AKAP19: variants seen among roughly 807,000 people sequenced by gnomAD.
AKAP19 encodes the protein small A-kinase anchoring protein.
chr2:190,130,967 G>C, the AKAP19 span, among the ~76,000 whole-genome samples: 1 of 152,174 alleles, frequency 6.6e-6, no homozygotes, highest in African/African-American at 2.4e-5. Context: ...TCATTTTGCT[G>C]TAAGGGGTCC....
chr2:189,975,811 C>T, the AKAP19 span, among the ~76,000 whole-genome samples: 21 of 152,232 alleles, frequency 1.4e-4, no homozygotes, highest in South Asian at 6.2e-4. Context: ...AAGTAGTTCT[C>T]GTGCCATGGT....
chr2:190,085,144 T>C, the AKAP19 span, among the ~76,000 whole-genome samples: 3 of 152,154 alleles, frequency 2.0e-5, no homozygotes, highest in African/African-American at 7.2e-5. Flanking sequence ...GTAGGGAATA[T>C]GTGCTTGAGG....
the AKAP19 span, among the ~76,000 whole-genome samples, chr2:190,128,572 G>C: frequency 6.6e-6 from 1 of 152,130 alleles, no homozygotes; most frequent in African/African-American, 2.4e-5. Flanking sequence ...TTTAAATCAG[G>C]ATATCTTAAA....
At chr2:189,957,245 T>A in the AKAP19 span, among the ~76,000 whole-genome samples, 1 of 152,198 alleles carries the variant, frequency 6.6e-6, no homozygotes, top group Non-Finnish European at 1.5e-5. Context: ...AAAGTTTGGA[T>A]GTGAGATGTT....
At chr2:190,119,674 A>G in the AKAP19 span, among the ~76,000 whole-genome samples, 1 of 152,322 alleles carries the variant, frequency 6.6e-6, no homozygotes, top group South Asian at 2.1e-4. Flanking sequence ...AAACCTTCCA[A>G]TAACCCTTTT....
chr2:190,131,722 C>T, the AKAP19 span, among the ~76,000 whole-genome samples: 1 of 152,282 alleles, frequency 6.6e-6, no homozygotes, highest in East Asian at 1.9e-4. Flanking sequence ...CCTGTGGGAT[C>T]TGATACTATC....
At chr2:190,030,300 C>T in the AKAP19 span, among the ~76,000 whole-genome samples, 1 of 152,194 alleles carries the variant, frequency 6.6e-6, no homozygotes, top group Middle Eastern at 3.2e-3. Context: ...TCTCGGTCTT[C>T]TAGAACCTAT....
At chr2:189,895,087 TGG>T in the AKAP19 span, among the ~76,000 whole-genome samples, 1 of 151,908 alleles carries the variant, frequency 6.6e-6, no homozygotes, top group Non-Finnish European at 1.5e-5. Context: ...GACATGCAAT[TGG>T]TTACAATTAA....
the AKAP19 span, among the ~76,000 whole-genome samples, chr2:189,981,941 CT>C: frequency 3.3e-5 from 5 of 152,120 alleles, no homozygotes; most frequent in African/African-American, 9.7e-5. Flanking sequence ...AGATTTTCTT[CT>C]TTCACATTGA....
chr2:189,978,742 TA>T, the AKAP19 span, among the ~76,000 whole-genome samples: 1 of 152,214 alleles, frequency 6.6e-6, no homozygotes, highest in East Asian at 1.9e-4. Flanking sequence ...CATTCTTTTT[TA>T]TGGCTATGTG....
the AKAP19 span, among the ~76,000 whole-genome samples, chr2:189,986,703 C>G: frequency 6.6e-6 from 1 of 152,122 alleles, no homozygotes; most frequent in Non-Finnish European, 1.5e-5. Context: ...CTTAGCTCAT[C>G]TTTTTCTTAT....
chr2:189,901,133 A>G, the AKAP19 span, among the ~76,000 whole-genome samples: 5 of 151,854 alleles, frequency 3.3e-5, no homozygotes, highest in South Asian at 2.1e-4. Context: ...ACTCTACACT[A>G]TATTCTGAAA....
the AKAP19 span, among the ~76,000 whole-genome samples, chr2:189,927,695 C>A: frequency 6.6e-6 from 1 of 152,132 alleles, no homozygotes; most frequent in Non-Finnish European, 1.5e-5. Flanking sequence ...AGGATATTCT[C>A]TCGTGTAATC....
At chr2:189,908,182 A>G in the AKAP19 span, among the ~76,000 whole-genome samples, 4 of 143,168 alleles carry the variant, frequency 2.8e-5, no homozygotes, top group African/African-American at 7.6e-5. Context: ...CTTCATGTAG[A>G]TGTTTATTAC....
At chr2:189,896,749 A>G in the AKAP19 span, among the ~76,000 whole-genome samples, 4 of 152,088 alleles carry the variant, frequency 2.6e-5, no homozygotes, top group East Asian at 1.9e-4. Context: ...TTTGGAGAAT[A>G]TTATCTACTT....
the AKAP19 span, among the ~76,000 whole-genome samples, chr2:189,926,631 A>G: frequency 8.9e-6 from 1 of 112,168 alleles, no homozygotes; most frequent in African/African-American, 3.8e-5. Context: ...CCCAGGCTGG[A>G]GTGCAGTGGC....
chr2:190,154,982 T>A, the AKAP19 span, among the ~76,000 whole-genome samples: 1 of 152,170 alleles, frequency 6.6e-6, no homozygotes, highest in African/African-American at 2.4e-5. Context: ...AAGGCTTACT[T>A]AAGAACCATA....
the AKAP19 span, among the ~76,000 whole-genome samples, chr2:189,891,544 T>A: frequency 6.6e-6 from 1 of 152,124 alleles, no homozygotes; most frequent in Non-Finnish European, 1.5e-5. Context: ...TCTTTAAGAA[T>A]GTTGAATATT....
chr2:190,200,202 A>ATT, the AKAP19 span: 3 of 1,482,070 alleles, frequency 2.0e-6, 1 homozygote, highest in South Asian at 3.6e-5. Context: ...AATAAATGTG[A>ATT]CAAAAGCAAA....
Sources: gnomAD v4.1 joint callset for allele counts (sites outside exome capture counted in the v4.1 genomes callset) on GRCh38, gnomAD v4.1.1 for gene constraint, MANE v1.5 for transcripts, NCBI Gene and HGNC (gene_info 2026-07-23, HGNC 2026-07-21) for gene names.